The following SOCS7 variants were observed in gnomAD, a reference collection of about 807,000 sequenced individuals.
The protein encoded by SOCS7 is suppressor of cytokine signaling 7.
A neutral mutation model predicts 58.9 loss-of-function variants in SOCS7; 18 were observed. That is an observed-to-expected ratio of 0.31 (90% confidence interval 0.21 to 0.45). SOCS7 has a LOEUF of 0.45. Ranked by LOEUF, SOCS7 falls within the 20% of genes least tolerant of loss-of-function variation. SOCS7 has a pLI of 1.00. For missense variants in SOCS7, 667 were observed against 837.3 expected, an observed-to-expected ratio of 0.80 and a Z score of 2.51; for synonymous variants, 388 against 364.3, an observed-to-expected ratio of 1.06 and a Z score of -0.74.
At chr17:38,379,180 CAA>C (rs71138613) in intron 7 of SOCS7, among the ~76,000 whole-genome samples, 27 of 121,418 alleles carry the variant, frequency 2.2e-4, no homozygotes, top group African/African-American at 7.8e-4. Flanking sequence ...CAAAAAAAAA[CAA>C]AAAAAAAAAA....
intron 7 of SOCS7, among the ~76,000 whole-genome samples, 168 bp downstream of exon 7, chr17:38,378,010 T>C (rs925897429): frequency 3.3e-5 from 5 of 152,192 alleles, no homozygotes; most frequent in Non-Finnish European, 4.4e-5. Flanking sequence ...CTTTGTACAT[T>C]AATCTCTCAG....
Position 38,403,720 on chromosome 17 carries a change from A to G in SOCS7, c.*4238A>G, listed in dbSNP as rs1214964822. The G allele has an allele frequency of 6.6e-6, 1 of 152,086 alleles. No homozygotes were observed. The highest frequency in any genetic ancestry group is 1.5e-5 in the Non-Finnish European group (1 of 68,020). 9.4% of individuals were successfully genotyped at this position (152,086 alleles called of 1,614,324 possible). On this transcript the variant is annotated 3_prime_UTR_variant, in exon 10 of 10. Transcript: ENST00000612932. ...GCATTTGTTTTCCACTGTTAAGAGA[A>G]TGACACACCCCCTGTCATGTAAGGG...
chr17:38,392,841 A>G (rs569411738), intron 7 of SOCS7, among the ~76,000 whole-genome samples: 1 of 152,276 alleles, frequency 6.6e-6, no homozygotes, highest in African/African-American at 2.4e-5. Context: ...TGGCAGAGCT[A>G]CCGATAATTC....
intron 1 of SOCS7, among the ~76,000 whole-genome samples, chr17:38,358,235 A>C (rs587717463): frequency 6.6e-6 from 1 of 152,306 alleles, no homozygotes; most frequent in South Asian, 2.1e-4. Flanking sequence ...TTGCACCCTA[A>C]TGCTTTTTGA....
intron 7 of SOCS7, among the ~76,000 whole-genome samples, chr17:38,389,916 G>T (rs1271469980): frequency 5.9e-4 from 5 of 8,484 alleles, no homozygotes; most frequent in Non-Finnish European, 1.1e-3. Context: ...TAGAGAGAGA[G>T]AGAGAGAGAG....
At chr17:38,365,675 T>C (rs1312337638) in intron 4 of SOCS7, 3 of 354,778 alleles carry the variant, frequency 8.5e-6, no homozygotes, top group African/African-American at 2.1e-5. Flanking sequence ...GAGACTGTTT[T>C]GCAATCCTTG....
chr17:38,381,899 G>C (rs141846416), intron 7 of SOCS7, among the ~76,000 whole-genome samples: 1 of 128,332 alleles, frequency 7.8e-6, no homozygotes. Context: ...CAGAATTGGA[G>C]ATTGCAGTGA....
At chr17:38,354,689 C>G (rs2037610343) in intron 1 of SOCS7, among the ~76,000 whole-genome samples, 1 of 152,144 alleles carries the variant, frequency 6.6e-6, no homozygotes. Context: ...CTTACCAGCA[C>G]AGATGAAATT....
Position 38,395,923 on chromosome 17 carries a change from G to T in SOCS7, c.1893G>T (p.Ala631=), listed in dbSNP as rs138060923. The part of the protein sequence containing the change: ...QEEVYLSLKE[A]QLISKQKQEV... ...AGGTATACCTGTCTCTAAAGGAAGC[G>T]CAGCTCATTTCCAAACAGAAGCAAG... is the stretch of plus-strand genomic sequence containing the variant. The change falls in exon 9 of 10, where the codon GCG becomes GCT. Residue 631 remains alanine, a synonymous_variant. Coordinates refer to ENST00000612932, the MANE Select transcript of SOCS7 (RefSeq NM_014598.4). 1.2e-6 allele frequency: 2 copies of T among 1,611,178 alleles called. No individual in the cohort carries two copies. Among genetic ancestry groups the T allele is most frequent in the Non-Finnish European group, 1.7e-6 (2 of 1,179,404 alleles).
chr17:38,361,842 CACTT>C (rs1555567654), intron 2 of SOCS7, 67 bp downstream of exon 2: 32 of 1,136,928 alleles, frequency 2.8e-5, no homozygotes, highest in South Asian at 2.2e-4. Context: ...TGTTGGGAAA[CACTT>C]ACAGATGCAT....
At chr17:38,366,647 C>T (rs952508474) in intron 5 of SOCS7, among the ~76,000 whole-genome samples, 2 of 152,208 alleles carry the variant, frequency 1.3e-5, no homozygotes, top group Non-Finnish European at 2.9e-5. Context: ...GCATGCACGA[C>T]CAAGCCCAGC....
At chr17:38,375,358 A>C (rs755175363) in intron 6 of SOCS7, among the ~76,000 whole-genome samples, 1 of 151,264 alleles carries the variant, frequency 6.6e-6, no homozygotes, top group African/African-American at 2.4e-5. Flanking sequence ...TCCTCAGTCT[A>C]TTTGGTTTGA....
At chr17:38,363,018 G>T (rs941610247) in intron 2 of SOCS7, among the ~76,000 whole-genome samples, 1 of 152,122 alleles carries the variant, frequency 6.6e-6, no homozygotes, top group Non-Finnish European at 1.5e-5. Context: ...GGAGGCCGAG[G>T]CAGGAGAATC....
intron 7 of SOCS7, among the ~76,000 whole-genome samples, chr17:38,383,527 A>C (rs1451371549): frequency 6.6e-6 from 1 of 152,094 alleles, no homozygotes; most frequent in African/African-American, 2.4e-5. Flanking sequence ...TCTGATTGCC[A>C]GGTCATCCAG....
At chr17:38,379,342 G>A (rs2037972593) in intron 7 of SOCS7, among the ~76,000 whole-genome samples, 1 of 151,980 alleles carries the variant, frequency 6.6e-6, no homozygotes. Context: ...GCCAGGTGTG[G>A]TGGCAGGTGC....
chr17:38,383,570 T>C (rs1347275046), intron 7 of SOCS7, among the ~76,000 whole-genome samples: 2 of 152,154 alleles, frequency 1.3e-5, no homozygotes, highest in African/African-American at 4.8e-5. Context: ...CTCTATATTA[T>C]TTTGAGATGA....
At chr17:38,391,375 A>C (rs2038171522) in intron 7 of SOCS7, among the ~76,000 whole-genome samples, 1 of 152,084 alleles carries the variant, frequency 6.6e-6, no homozygotes, top group Non-Finnish European at 1.5e-5. Context: ...ATATTAAAAA[A>C]CAGTGCTTCA....
At chr17:38,391,257 A>G (rs1278182887) in intron 7 of SOCS7, among the ~76,000 whole-genome samples, 1 of 152,200 alleles carries the variant, frequency 6.6e-6, no homozygotes, top group Non-Finnish European at 1.5e-5. Flanking sequence ...ATAGTGCGCA[A>G]GGGAATATAA....
Position 38,362,379 on chromosome 17 carries a change from C to G in SOCS7, c.1045+604C>G, listed in dbSNP as rs587643736. Among the ~76,000 whole-genome samples, 13 of 152,268 alleles carry G rather than the reference C, an allele frequency of 8.5e-5. No individual in the cohort carries two copies. The South Asian group carries it at 2.5e-3, about 29-fold the overall frequency. On this transcript the variant is annotated intron_variant, in intron 2 of 9. Transcript: ENST00000612932. The stretch of plus-strand genomic sequence containing the variant: ...TTTGGATGATGGGTAACTGCCTTCT[C>G]GTTTCGTAGGGAGCTTTTTCAGAGA...
Sources: gnomAD v4.1 joint callset for allele counts (sites outside exome capture counted in the v4.1 genomes callset) on GRCh38, gnomAD v4.1.1 for gene constraint, MANE v1.5 for transcripts, NCBI Gene and HGNC (gene_info 2026-07-23, HGNC 2026-07-21) for gene names.